Variants in ARHGAP26 observed in about 807,000 individuals in gnomAD.
ARHGAP26 encodes the protein rho GTPase-activating protein 26.
A neutral mutation model predicts 104.8 loss-of-function variants in ARHGAP26; 38 were observed. The observed-to-expected ratio is 0.36, with a 90% confidence interval of 0.28 to 0.48. ARHGAP26 has a LOEUF of 0.48. Among genes scored for constraint, ARHGAP26 ranks in the 20% least tolerant of loss-of-function variants. ARHGAP26 has a pLI of 0.99. For missense variants in ARHGAP26, 704 were observed against 947.9 expected (o/e 0.74, Z 3.38); for synonymous variants, 341 against 340.0 (o/e 1.00, Z -0.03).
chr5:142,829,823 C>G (rs914099789), intron 1 of ARHGAP26, among the ~76,000 whole-genome samples: 2 of 152,314 alleles, frequency 1.3e-5, no homozygotes, highest in African/African-American at 4.8e-5. Context: ...GTTTTCCACT[C>G]ATGACACTGA....
At chr5:143,193,814 C>T (rs933977684) in intron 20 of ARHGAP26, 1 of 152,124 alleles carries the variant, frequency 6.6e-6, no homozygotes, top group African/African-American at 2.4e-5. Context: ...AGTTGTTCAT[C>T]TCTTATTATG....
At chr5:143,201,936 G>A (rs564461468) in intron 20 of ARHGAP26, among the ~76,000 whole-genome samples, 17 of 152,254 alleles carry the variant, frequency 1.1e-4, no homozygotes, top group African/African-American at 3.1e-4. Context: ...TGTTAGGTCC[G>A]CTTGGTCCAG....
At chr5:143,072,001 C>T (rs1788340512) in intron 17 of ARHGAP26, among the ~76,000 whole-genome samples, 1 of 151,940 alleles carries the variant, frequency 6.6e-6, no homozygotes, top group Admixed American at 6.5e-5. Flanking sequence ...AGAACACCTA[C>T]AGAATGGGAG....
intron 2 of ARHGAP26, among the ~76,000 whole-genome samples, chr5:142,873,703 C>A (rs1598026386): frequency 6.6e-6 from 1 of 152,286 alleles, no homozygotes; most frequent in Non-Finnish European, 1.5e-5. Context: ...CACCCTCCAG[C>A]ATGCAGGAGA....
At chr5:143,025,281 C>G (rs1780890588) in intron 12 of ARHGAP26, among the ~76,000 whole-genome samples, 1 of 152,172 alleles carries the variant, frequency 6.6e-6, no homozygotes, top group Non-Finnish European at 1.5e-5. Flanking sequence ...GACACCAGGG[C>G]TCAAATCTTA....
intron 1 of ARHGAP26, among the ~76,000 whole-genome samples, chr5:142,816,977 G>A (rs1424355435): frequency 6.6e-6 from 1 of 152,106 alleles, no homozygotes; most frequent in African/African-American, 2.4e-5. Flanking sequence ...TGTGTAGTGA[G>A]GAGAGAGAGC....
intron 17 of ARHGAP26, among the ~76,000 whole-genome samples, chr5:143,061,738 G>A (rs1327831974): frequency 1.3e-5 from 2 of 152,180 alleles, no homozygotes; most frequent in South Asian, 4.1e-4. Flanking sequence ...GCTCATGAAG[G>A]ACTCAGGTTA....
intron 11 of ARHGAP26, among the ~76,000 whole-genome samples, chr5:142,954,455 C>A (rs1008737650): frequency 6.6e-6 from 1 of 152,234 alleles, no homozygotes; most frequent in Non-Finnish European, 1.5e-5. Context: ...ACACTTCCCA[C>A]GCAACCTCAA....
intron 11 of ARHGAP26, among the ~76,000 whole-genome samples, chr5:142,952,710 T>TA (rs1319657481): frequency 6.6e-6 from 1 of 152,132 alleles, no homozygotes; most frequent in African/African-American, 2.4e-5. Context: ...GCATCCCAGC[T>TA]AAAAAATCTT....
intron 11 of ARHGAP26, among the ~76,000 whole-genome samples, chr5:142,960,088 G>A (rs1435980716): frequency 6.6e-6 from 1 of 152,256 alleles, no homozygotes; most frequent in Non-Finnish European, 1.5e-5. Context: ...GGCCATAGCT[G>A]AAGCTGTCTC....
chr5:143,031,123 G>A (rs1255258483), intron 12 of ARHGAP26, among the ~76,000 whole-genome samples: 2 of 152,372 alleles, frequency 1.3e-5, no homozygotes, highest in East Asian at 1.9e-4. Flanking sequence ...AGCATGGTTA[G>A]TTGAATGTTC....
intron 11 of ARHGAP26, among the ~76,000 whole-genome samples, chr5:142,975,536 TAATA>T (rs898867046): frequency 2.6e-5 from 4 of 152,090 alleles, no homozygotes; most frequent in South Asian, 2.1e-4. Flanking sequence ...GTTAGCTACT[TAATA>T]AATAGTTTTA....
chr5:142,986,472 T>C (rs912173777), intron 11 of ARHGAP26, among the ~76,000 whole-genome samples: 3 of 152,220 alleles, frequency 2.0e-5, no homozygotes, highest in Non-Finnish European at 4.4e-5. Context: ...TGCTCACTCT[T>C]ATGATAGTTC....
At chr5:142,888,449 G>C (rs1412279877) in intron 5 of ARHGAP26, among the ~76,000 whole-genome samples, 1 of 152,232 alleles carries the variant, frequency 6.6e-6, no homozygotes, top group East Asian at 1.9e-4. Flanking sequence ...GTAGGGGTCA[G>C]GTGTTTTGCT....
chr5:143,067,836 T>G (rs1787721876), intron 17 of ARHGAP26, among the ~76,000 whole-genome samples: 1 of 152,230 alleles, frequency 6.6e-6, no homozygotes, highest in African/African-American at 2.4e-5. Flanking sequence ...TCTTTGGCTG[T>G]AAGCAACAGA....
rs150264066 is a variant in ARHGAP26 at position 142,871,678 on chromosome 5, C to T, written c.155-1722C>T. On this transcript the variant is annotated intron_variant, in intron 1 of 22. Transcript: ENST00000645722. The surrounding 1 kb of genome is among the most constrained non-coding windows in gnomAD (Gnocchi z 4.1). Reference sequence around the variant, plus strand: ...TAGCCTCCTCCTGCCTTCCTGCCCACGGTGTTCTGGCTTTTGGGTGCATCT... The same window carrying T: ...TAGCCTCCTCCTGCCTTCCTGCCCATGGTGTTCTGGCTTTTGGGTGCATCT... Among the ~76,000 whole-genome samples, 25 of 152,290 alleles carry T rather than the reference C, an allele frequency of 1.6e-4. No homozygotes were observed. Among genetic ancestry groups the T allele is most frequent in the East Asian group, 3.9e-4 (2 of 5,182 alleles).
chr5:143,017,605 G>T (rs1468835684), intron 12 of ARHGAP26, among the ~76,000 whole-genome samples: 1 of 151,998 alleles, frequency 6.6e-6, no homozygotes, highest in Admixed American at 6.5e-5. Context: ...CTTGATAAAT[G>T]GTGTGTGTTA....
In ARHGAP26 at chr5:143,208,377, C is replaced by G. The variant is rs575222070; in HGVS notation, c.2099+1069C>G. On this transcript the variant is annotated intron_variant, in intron 21 of 22. Coordinates refer to ENST00000645722, the MANE Select transcript of ARHGAP26 (RefSeq NM_001135608.3). ...GGAGTATTTTCCCTTCTGTCTTTTT[C>G]TCCAAAGGGTGGATCCAGCAGAGAG... 3.7e-4 allele frequency among the ~76,000 whole-genome samples: 56 copies of G among 152,280 alleles called. No homozygotes were observed. In the South Asian group the frequency reaches 0.011, roughly 29 times the overall value.
At chr5:142,983,412 G>A (rs1774235578) in intron 11 of ARHGAP26, among the ~76,000 whole-genome samples, 2 of 152,176 alleles carry the variant, frequency 1.3e-5, no homozygotes, top group African/African-American at 4.8e-5. Context: ...CACCATGTTG[G>A]CCAGGCTGGT....
Sources: allele counts gnomAD v4.1 joint callset (sites outside exome capture counted in the v4.1 genomes callset), GRCh38; gene constraint gnomAD v4.1.1; non-coding constraint Gnocchi (gnomAD v3.1); transcripts MANE v1.5; gene names NCBI Gene and HGNC (gene_info 2026-07-23, HGNC 2026-07-21).